The following CSMD2 variants were observed in gnomAD, a reference collection of about 807,000 sequenced individuals.
CSMD2 encodes the protein CUB and sushi domain-containing protein 2.
CSMD2 carries 130 observed loss-of-function variants against 398.5 expected under a neutral mutation model. That is an observed-to-expected ratio of 0.33 (90% CI 0.28 to 0.38). CSMD2 has a LOEUF of 0.38. CSMD2 is among the 10% of genes least tolerant of loss of function. The pLI is 1.00. For synonymous variants in CSMD2, 1,828 were observed against 1,908.5 expected (o/e 0.96, Z 1.10); for missense variants, 3,829 against 4,764.9 (o/e 0.80, Z 5.78).
At position 33,533,944 on chromosome 1, in the gene CSMD2, T is replaced by C; in HGVS notation, c.9880-37A>G. On this transcript the variant is annotated intron_variant, in intron 62 of 70. Coordinates refer to ENST00000373381, the MANE Select transcript of CSMD2 (RefSeq NM_001281956.2). This position sits in a 1 kb window ranked among gnomAD's most constrained non-coding sequence, Gnocchi z 4.2. ...TACAAAGTCCCATCAGCCCCTTCCT[T>C]TCAGCGGTGCTTCCTACGTCTGTCC... 7.5e-7 allele frequency: 1 copy of C among 1,341,330 alleles called. No individual in the cohort carries two copies. Among genetic ancestry groups the C allele is most frequent in the South Asian group, 1.2e-5 (1 of 84,510 alleles). 83.1% of individuals were successfully genotyped at this position (1,341,330 alleles called of 1,614,324 possible). A position where few individuals can be genotyped will look rare whatever the true frequency, so the allele number is the denominator to read the frequency against.
At chr1:33,650,214 CATG>C (rs1643680118) in intron 28 of CSMD2, among the ~76,000 whole-genome samples, 1 of 152,172 alleles carries the variant, frequency 6.6e-6, no homozygotes, top group African/African-American at 2.4e-5. Context: ...GACATGGGGA[CATG>C]TAAGACACCA....
rs1181441911 is a variant in CSMD2, at chr1:33,518,442, CT to C, written c.*53+1022del. ...GTACACGTGTGGGTGTGTCTGCCCC[CT>C]GTCTATATTTCCGGGAGCTCCTCCC... On this transcript the variant is annotated intron_variant, in intron 70 of 70. Transcript: ENST00000373381. The surrounding 1 kb of genome is among the most constrained non-coding windows in gnomAD (Gnocchi z 4.3). Among the ~76,000 whole-genome samples, 4 of 151,540 alleles carry C rather than the reference CT, an allele frequency of 2.6e-5. No individual in the cohort carries two copies. The highest frequency in any genetic ancestry group is 7.2e-5 in the African/African-American group (3 of 41,408).
chr1:33,911,285 A>T (rs1384900038), intron 5 of CSMD2, among the ~76,000 whole-genome samples: 1 of 152,240 alleles, frequency 6.6e-6, no homozygotes, highest in Non-Finnish European at 1.5e-5. Flanking sequence ...TGAATAAATA[A>T]ATAAGTGGAT....
At chr1:33,768,536 ATGTGTGTGTGTGTGTG>A (rs60273744) in intron 13 of CSMD2, among the ~76,000 whole-genome samples, 39 of 142,246 alleles carry the variant, frequency 2.7e-4, no homozygotes, top group Admixed American at 1.2e-3. Flanking sequence ...GTGTGCGTGC[ATGTGTGTGTGTGTGTG>A]TGTGTGTGTG....
intron 2 of CSMD2, among the ~76,000 whole-genome samples, chr1:34,067,988 G>A (rs560981794): frequency 6.6e-6 from 1 of 152,314 alleles, no homozygotes; most frequent in South Asian, 2.1e-4. Flanking sequence ...TGGCATGTCT[G>A]TAGCCCAGAG....
intron 6 of CSMD2, among the ~76,000 whole-genome samples, chr1:33,833,002 A>C (rs1659783700): frequency 6.6e-6 from 1 of 150,558 alleles, no homozygotes. Context: ...AATTGTGGCA[A>C]TAATCAATAG....
rs144431847 is a variant in CSMD2, at chr1:33,715,490, G to C, written c.3218-715C>G. Among the ~76,000 whole-genome samples, 304 of 152,222 alleles carry C rather than the reference G, an allele frequency of 2.0e-3. 2 individuals are homozygous for C. Among genetic ancestry groups the C allele is most frequent in the African/African-American group, 7.0e-3 (289 of 41,580 alleles). ...TCCTCCAGGGATGTGTGATGAGAAA[G>C]AGGGTCTCTCTCATAAGGGTTGAGT... is the stretch of plus-strand genomic sequence containing the variant. On this transcript the variant is annotated intron_variant, in intron 20 of 70. Transcript: ENST00000373381.
chr1:33,550,181 G>T lies in CSMD2; in HGVS notation c.8913C>A (p.Cys2971Ter). Residue 2971 changes from cysteine (C) to a stop codon, truncating the protein, a stop_gained, in exon 56 of 71, where the codon TGC becomes TGA. Transcript: ENST00000373381. LOFTEE classifies it high-confidence loss of function. Reference protein sequence around the residue: ...DGHWTGSLPHCSGTSVGVCGD... With the variant: ...DGHWTGSLPH Reference sequence around the variant, plus strand: ...CCTCAATGCCATGCACCATACCTGAGCAGTGAGGGAGGGAGCCAGTCCAGT... The same window carrying T: ...CCTCAATGCCATGCACCATACCTGATCAGTGAGGGAGGGAGCCAGTCCAGT... The T allele has an allele frequency of 6.2e-7, 1 of 1,613,668 alleles. No homozygotes were observed. The highest frequency in any genetic ancestry group is 8.5e-7 in the Non-Finnish European group (1 of 1,179,864).
chr1:33,744,860 T>C (rs1438963495), intron 13 of CSMD2, among the ~76,000 whole-genome samples: 1 of 152,190 alleles, frequency 6.6e-6, no homozygotes, highest in Non-Finnish European at 1.5e-5. Context: ...CATGCATTTA[T>C]TGCCAATTGC....
intron 24 of CSMD2, among the ~76,000 whole-genome samples, chr1:33,693,935 T>C (rs960464681): frequency 5.3e-5 from 8 of 152,106 alleles, no homozygotes. Flanking sequence ...GGTACATGCC[T>C]GTAATCCCAG....
chr1:34,052,237 C>A (rs990872392), intron 2 of CSMD2, among the ~76,000 whole-genome samples: 2 of 150,818 alleles, frequency 1.3e-5, no homozygotes, highest in Admixed American at 6.6e-5. Flanking sequence ...GCAGAGTCAA[C>A]CAACCATGCA....
intron 3 of CSMD2, among the ~76,000 whole-genome samples, chr1:33,950,327 TCTC>T (rs934048187): frequency 3.3e-5 from 5 of 150,870 alleles, no homozygotes; most frequent in Admixed American, 6.6e-5. Context: ...TACGTACCCG[TCTC>T]CTCCTCACAC....
At chr1:33,882,778 C>T (rs944230237) in intron 5 of CSMD2, among the ~76,000 whole-genome samples, 1 of 152,154 alleles carries the variant, frequency 6.6e-6, no homozygotes, top group Non-Finnish European at 1.5e-5. Context: ...AATCCTCATA[C>T]CCTGAATTTA....
At chr1:33,557,620 A>ACACG in intron 55 of CSMD2, 114 bp downstream of exon 55, 1 of 66,204 alleles carries the variant, frequency 1.5e-5, no homozygotes, top group South Asian at 2.3e-4. Context: ...ATGTGCAGAC[A>ACACG]CACACACACA....
chr1:34,072,913 A>C (rs1655898316), intron 2 of CSMD2, among the ~76,000 whole-genome samples: 1 of 150,712 alleles, frequency 6.6e-6, no homozygotes, highest in African/African-American at 2.4e-5. Flanking sequence ...GGCAGACCCC[A>C]CTCCTCCCCT....
chr1:34,069,527 A>C (rs910872218), intron 2 of CSMD2, among the ~76,000 whole-genome samples: 1 of 152,158 alleles, frequency 6.6e-6, no homozygotes, highest in Non-Finnish European at 1.5e-5. Flanking sequence ...AAAGTCAAAG[A>C]GGTAGTAAAT....
chr1:34,093,418 G>A (rs1420939034), intron 1 of CSMD2, among the ~76,000 whole-genome samples: 1 of 152,246 alleles, frequency 6.6e-6, no homozygotes. Flanking sequence ...GAATGACTTT[G>A]ACGAGCTGAG....
chr1:33,745,547 C>T (rs1486545474), intron 13 of CSMD2, among the ~76,000 whole-genome samples: 1 of 151,938 alleles, frequency 6.6e-6, no homozygotes, highest in Non-Finnish European at 1.5e-5. Flanking sequence ...AACATTAAAA[C>T]AAAAAAATTG....
chr1:34,085,541 A>G (rs977477239), intron 2 of CSMD2, among the ~76,000 whole-genome samples: 1 of 152,128 alleles, frequency 6.6e-6, no homozygotes. Flanking sequence ...ACTCATCACA[A>G]ATGTAGGTCA....
Sources: allele counts gnomAD v4.1 joint callset (sites outside exome capture counted in the v4.1 genomes callset), GRCh38; gene constraint gnomAD v4.1.1; non-coding constraint Gnocchi (gnomAD v3.1); transcripts MANE v1.5; gene names NCBI Gene and HGNC (gene_info 2026-07-23, HGNC 2026-07-21).